Variants in TRIO observed in about 807,000 individuals in gnomAD.
TRIO encodes trio Rho guanine nucleotide exchange factor, also known as triple functional domain protein.
TRIO carries 58 observed loss-of-function variants against 351.9 expected under a neutral mutation model. That is an observed-to-expected ratio of 0.16 (90% confidence interval 0.13 to 0.21). The LOEUF (loss-of-function observed/expected upper bound fraction) is 0.21. Ranked by LOEUF, TRIO falls within the 10% of genes least tolerant of loss-of-function variation. TRIO has a pLI of 1.00. For synonymous variants in TRIO, 1,758 were observed against 1,595.7 expected (o/e 1.10, Z -2.42); for missense variants, 3,201 against 4,027.8 (o/e 0.79, Z 5.56).
intron 37 of TRIO, among the ~76,000 whole-genome samples, chr5:14,469,335 A>G (rs1474770025): frequency 2.6e-5 from 4 of 152,224 alleles, no homozygotes; most frequent in African/African-American, 4.8e-5. Context: ...AGAGGAAAAA[A>G]CTGAGGAAAT....
At chr5:14,201,263 A>AAAATAAAAAAT (rs1561194948) in intron 1 of TRIO, among the ~76,000 whole-genome samples, 1 of 152,206 alleles carries the variant, frequency 6.6e-6, no homozygotes, top group Non-Finnish European at 1.5e-5. Context: ...TCCATCTCAA[A>AAAATAAAAAAT]AAATAAAAAA....
intron 53 of TRIO, among the ~76,000 whole-genome samples, chr5:14,499,731 CT>C (rs1431227454): frequency 6.6e-6 from 1 of 150,824 alleles, no homozygotes; most frequent in Non-Finnish European, 1.5e-5. Flanking sequence ...TTTTTAATCA[CT>C]GGCAAAAGCT....
chr5:14,321,788 G>A (rs187398441), intron 9 of TRIO, among the ~76,000 whole-genome samples: 5 of 152,248 alleles, frequency 3.3e-5, no homozygotes, highest in South Asian at 4.1e-4. Flanking sequence ...TAATTGAATC[G>A]TGGGGGTGGG....
At position 14,373,008 on chromosome 5, in the gene TRIO, C is replaced by T. The variant is rs140091354; in HGVS notation, c.3217-1221C>T. Among the ~76,000 whole-genome samples the T allele has an allele frequency of 5.3e-5, 8 of 152,292 alleles. No individual in the cohort carries two copies. The East Asian group carries it at 9.7e-4, about 18-fold the overall frequency. The stretch of plus-strand genomic sequence containing the variant: ...GTCACTGCAGAAGGGGAAGCAAACA[C>T]GTCCTTCTTCACATGGCGCGGGAAG... On this transcript the variant is annotated intron_variant, in intron 18 of 56. Coordinates refer to ENST00000344204, the MANE Select transcript of TRIO (RefSeq NM_007118.4).
intron 9 of TRIO, among the ~76,000 whole-genome samples, chr5:14,325,498 G>A (rs1002779464): frequency 1.3e-5 from 2 of 152,148 alleles, no homozygotes; most frequent in African/African-American, 4.8e-5. Context: ...GCTCTTGCAG[G>A]AGCTAAGAGT....
chr5:14,449,864 AT>A (rs1246258592), intron 34 of TRIO, among the ~76,000 whole-genome samples: 8 of 152,180 alleles, frequency 5.3e-5, no homozygotes, highest in Admixed American at 5.2e-4. Context: ...ATCTGTTTTC[AT>A]TTACATTTAA....
At position 14,484,683 on chromosome 5, in the gene TRIO, C is replaced by T. The variant is rs527411887; in HGVS notation, c.6658-386C>T. ...TGGGATTAAGAACATTCATGTTTTG[C>T]AGCCATCACCATCATCTGTCTTCAC... On this transcript the variant is annotated intron_variant, in intron 46 of 56. Coordinates refer to ENST00000344204, the MANE Select transcript of TRIO (RefSeq NM_007118.4). 3.9e-5 allele frequency among the ~76,000 whole-genome samples: 6 copies of T among 152,270 alleles called. No homozygotes were observed. In the South Asian group the frequency reaches 1.2e-3, roughly 32 times the overall value.
chr5:14,197,919 T>C (rs1790877205), intron 1 of TRIO, among the ~76,000 whole-genome samples: 2 of 152,190 alleles, frequency 1.3e-5, no homozygotes, highest in African/African-American at 4.8e-5. Flanking sequence ...GTCTCTGTCT[T>C]CCAAGTCTGT....
intron 1 of TRIO, among the ~76,000 whole-genome samples, chr5:14,253,064 G>T (rs913352943): frequency 6.6e-6 from 1 of 152,348 alleles, no homozygotes; most frequent in Admixed American, 6.5e-5. Context: ...ACTGATGCAA[G>T]TGACTCTGAT....
At chr5:14,293,940 C>T (rs1303543221) in intron 6 of TRIO, among the ~76,000 whole-genome samples, 5 of 151,910 alleles carry the variant, frequency 3.3e-5, no homozygotes, top group African/African-American at 1.2e-4. Flanking sequence ...ACTCTTAAAC[C>T]TTGTAACGTT....
intron 21 of TRIO, among the ~76,000 whole-genome samples, chr5:14,385,107 C>G (rs1468836613): frequency 6.6e-6 from 1 of 152,198 alleles, no homozygotes; most frequent in African/African-American, 2.4e-5. Flanking sequence ...GCTGCGTGGA[C>G]GAGGCTCCGT....
chr5:14,221,896 A>T (rs1284725611), intron 1 of TRIO, among the ~76,000 whole-genome samples: 4 of 152,254 alleles, frequency 2.6e-5, no homozygotes, highest in Non-Finnish European at 5.9e-5. Context: ...TTTCGAAAGA[A>T]GTTCTGCTGT....
chr5:14,272,669 G>A (rs1403373574), intron 2 of TRIO, among the ~76,000 whole-genome samples: 1 of 152,164 alleles, frequency 6.6e-6, no homozygotes, highest in African/African-American at 2.4e-5. Flanking sequence ...AGATATTAGC[G>A]ATGGTAGAGC....
intron 11 of TRIO, among the ~76,000 whole-genome samples, chr5:14,348,176 T>G (rs1049332486): frequency 6.6e-6 from 1 of 152,206 alleles, no homozygotes; most frequent in African/African-American, 2.4e-5. Flanking sequence ...CACATCAATT[T>G]AATGTGTCCA....
chr5:14,507,031 G>A, intron 55 of TRIO, 91 bp from the exon 56 acceptor site: 1 of 1,449,802 alleles, frequency 6.9e-7, no homozygotes, highest in South Asian at 1.6e-5. Flanking sequence ...TTCATAACAG[G>A]TGACAGGTCC....
chr5:14,306,073 A>G (rs1001002734), intron 8 of TRIO, among the ~76,000 whole-genome samples: 26 of 151,452 alleles, frequency 1.7e-4, no homozygotes, highest in Non-Finnish European at 3.7e-4. Context: ...AAATTGCCTA[A>G]TGATTCATTT....
chr5:14,182,002 T>C (rs1789800585), intron 1 of TRIO, among the ~76,000 whole-genome samples: 1 of 152,164 alleles, frequency 6.6e-6, no homozygotes, highest in African/African-American at 2.4e-5. Flanking sequence ...GACTTGTATT[T>C]AAGAAATTAA....
chr5:14,276,250 G>A (rs1735509256), intron 2 of TRIO, among the ~76,000 whole-genome samples: 1 of 152,176 alleles, frequency 6.6e-6, no homozygotes, highest in African/African-American at 2.4e-5. Flanking sequence ...ATTCTTGTTA[G>A]CATCCTAGCA....
chr5:14,186,298 C>CTAGA (rs760051220), intron 1 of TRIO, among the ~76,000 whole-genome samples: 59 of 152,274 alleles, frequency 3.9e-4, no homozygotes, highest in Admixed American at 9.2e-4. Context: ...AGTACCTGGC[C>CTAGA]TCTATGATGC....
Sources: allele counts gnomAD v4.1 joint callset (sites outside exome capture counted in the v4.1 genomes callset), GRCh38; gene constraint gnomAD v4.1.1; transcripts MANE v1.5; gene names NCBI Gene and HGNC (gene_info 2026-07-23, HGNC 2026-07-21).